ARID5B: variants seen among roughly 807,000 people sequenced by gnomAD.
ARID5B encodes the protein AT-rich interaction domain 5B, also known as AT-rich interactive domain-containing protein 5B.
Under a neutral mutation model 97.2 loss-of-function variants are expected in ARID5B, and 13 were observed. The ratio of observed to expected loss-of-function variants is 0.13; its 90% confidence interval spans 0.09 to 0.21. The LOEUF (loss-of-function observed/expected upper bound fraction) is 0.21, where lower values mean the gene tolerates loss of function less well. ARID5B is among the 10% of genes least tolerant of loss of function. The probability of loss-of-function intolerance (pLI) is 1.00; values close to 1 mark genes in which losing one functional copy is unlikely to be tolerated. For synonymous variants in ARID5B, 556 were observed against 570.3 expected (o/e 0.97, Z 0.36); for missense variants, 1,210 against 1,465.3 (o/e 0.83, Z 2.84).
chr10:62,085,895 G>T lies in ARID5B; in HGVS notation c.1393G>T (p.Ala465Ser), dbSNP rs780193092. The T allele has an allele frequency of 5.0e-6, 8 of 1,610,750 alleles. No individual in the cohort carries two copies. The highest frequency in any genetic ancestry group is 1.3e-5 in the African/African-American group (1 of 74,462). Residue 465 changes from alanine (A) to serine (S), a missense_variant, in exon 9 of 10, where the codon GCA (alanine) becomes TCA (serine). Physicochemically the swap from Ala to Ser is moderately conservative, Grantham distance 99. This residue lies in a region of ARID5B where 800 missense variants were observed against 839.1 expected (regional missense o/e 0.95). Coordinates refer to ENST00000279873, the MANE Select transcript of ARID5B (RefSeq NM_032199.3). ...KENAPKPQDA[A>S]EVSSEQEKEQ... Reference sequence around the variant, plus strand: ...AAATGCCCCAAAGCCCCAGGATGCAGCAGAGGTGAGTTGCTTTGCTCCATA... The same window carrying T: ...AAATGCCCCAAAGCCCCAGGATGCATCAGAGGTGAGTTGCTTTGCTCCATA...
intron 3 of ARID5B, among the ~76,000 whole-genome samples, chr10:61,956,411 CA>C (rs1226067745): frequency 6.6e-6 from 1 of 152,210 alleles, no homozygotes; most frequent in Non-Finnish European, 1.5e-5. Flanking sequence ...TCCCTAGTGC[CA>C]AAAAGTTTGG....
intron 4 of ARID5B, among the ~76,000 whole-genome samples, chr10:62,031,910 C>G (rs1424556236): frequency 6.6e-6 from 1 of 152,188 alleles, no homozygotes; most frequent in Non-Finnish European, 1.5e-5. Context: ...GCTAAACAAG[C>G]TATACCACTG....
chr10:61,981,154 C>T (rs10128383), intron 3 of ARID5B, among the ~76,000 whole-genome samples: 2,418 of 152,272 alleles, frequency 0.016, 64 homozygotes, highest in African/African-American at 0.055. Context: ...CATAGGATTG[C>T]TACAGTGATG....
intron 3 of ARID5B, among the ~76,000 whole-genome samples, chr10:61,993,105 G>T (rs1838948925): frequency 7.5e-6 from 1 of 132,656 alleles, no homozygotes; most frequent in Non-Finnish European, 1.6e-5. Context: ...TAACAGCTTT[G>T]ATGAGGAAGG....
intron 2 of ARID5B, among the ~76,000 whole-genome samples, chr10:61,920,332 T>G (rs1271791688): frequency 1.1e-4 from 16 of 149,742 alleles, no homozygotes; most frequent in Admixed American, 3.3e-4. Context: ...AATCTTTGTT[T>G]TTTTTTTTTT....
At chr10:62,070,518 T>C (rs1840049875) in intron 8 of ARID5B, among the ~76,000 whole-genome samples, 3 of 152,240 alleles carry the variant, frequency 2.0e-5, no homozygotes, top group Admixed American at 6.5e-5. Flanking sequence ...AACTTCCTTA[T>C]AACTGGCATT....
chr10:61,909,769 A>G (rs1464847254), intron 2 of ARID5B, among the ~76,000 whole-genome samples: 1 of 152,156 alleles, frequency 6.6e-6, no homozygotes, highest in Non-Finnish European at 1.5e-5. Flanking sequence ...CCACGACCCC[A>G]TCTCACACTT....
chr10:61,918,127 C>T (rs1192474677), intron 2 of ARID5B, among the ~76,000 whole-genome samples: 4 of 152,214 alleles, frequency 2.6e-5, no homozygotes. Flanking sequence ...GGCCAGACTG[C>T]AGGGGAGCCT....
chr10:62,038,363 C>G (rs1459557931), intron 4 of ARID5B, among the ~76,000 whole-genome samples: 1 of 149,446 alleles, frequency 6.7e-6, no homozygotes, highest in Admixed American at 6.7e-5. Context: ...ACAAACTGTT[C>G]CTTATTTAAA....
chr10:61,970,315 A>G (rs1838607709), intron 3 of ARID5B, among the ~76,000 whole-genome samples: 1 of 152,258 alleles, frequency 6.6e-6, no homozygotes, highest in South Asian at 2.1e-4. Context: ...GTCTTTGACC[A>G]TAATCTATGG....
intron 3 of ARID5B, among the ~76,000 whole-genome samples, chr10:61,967,732 C>G (rs1268395242): frequency 2.0e-5 from 3 of 152,164 alleles, no homozygotes; most frequent in Admixed American, 6.5e-5. Flanking sequence ...TCCAAAAATA[C>G]CTTTCTGGCC....
chr10:61,919,812 C>G (rs1397530495), intron 2 of ARID5B, among the ~76,000 whole-genome samples: 1 of 151,956 alleles, frequency 6.6e-6, no homozygotes, highest in Non-Finnish European at 1.5e-5. Context: ...ACTATCTGGA[C>G]AGACAAGAAA....
At chr10:62,079,254 G>T (rs189977350) in intron 8 of ARID5B, among the ~76,000 whole-genome samples, 19 of 148,824 alleles carry the variant, frequency 1.3e-4, no homozygotes, top group Non-Finnish European at 2.0e-4. Flanking sequence ...TGGACTAGCA[G>T]AGGCAGGCAG....
At chr10:62,042,677 C>T (rs1192416505) in intron 4 of ARID5B, among the ~76,000 whole-genome samples, 2 of 151,942 alleles carry the variant, frequency 1.3e-5, no homozygotes, top group Non-Finnish European at 1.5e-5. Flanking sequence ...TTTGGGAGGA[C>T]GAGGCGGTTG....
intron 3 of ARID5B, among the ~76,000 whole-genome samples, chr10:61,976,665 G>A (rs1225011962): frequency 5.3e-5 from 8 of 152,142 alleles, no homozygotes; most frequent in African/African-American, 1.9e-4. Flanking sequence ...CTGCCAGCGG[G>A]AGAATGTTCA....
intron 9 of ARID5B, among the ~76,000 whole-genome samples, chr10:62,089,145 C>G (rs958212453): frequency 3.3e-5 from 5 of 152,112 alleles, no homozygotes; most frequent in Admixed American, 3.3e-4. Flanking sequence ...CCTTGCCATA[C>G]TCATTTGTCT....
intron 4 of ARID5B, among the ~76,000 whole-genome samples, chr10:62,050,227 T>A (rs1839768885): frequency 6.6e-6 from 1 of 152,204 alleles, no homozygotes. Flanking sequence ...AAGATCTTCA[T>A]AAAAATATAT....
chr10:62,076,323 T>G (rs1156285885), intron 8 of ARID5B, among the ~76,000 whole-genome samples: 1 of 152,090 alleles, frequency 6.6e-6, no homozygotes, highest in Non-Finnish European at 1.5e-5. Flanking sequence ...GCAGATGACT[T>G]GAGACCCAGG....
intron 4 of ARID5B, among the ~76,000 whole-genome samples, chr10:62,036,760 G>C (rs1358186919): frequency 1.3e-5 from 2 of 152,200 alleles, no homozygotes; most frequent in Non-Finnish European, 2.9e-5. Context: ...AGGCTCTGCT[G>C]CTGATCTCAT....
Sources: allele counts gnomAD v4.1 joint callset (sites outside exome capture counted in the v4.1 genomes callset), GRCh38; gene constraint gnomAD v4.1.1; regional missense constraint gnomAD v4.1.1; transcripts MANE v1.5; gene names NCBI Gene and HGNC (gene_info 2026-07-23, HGNC 2026-07-21).